Variants in ASIC2 observed in about 807,000 individuals in gnomAD.
The protein encoded by ASIC2 is acid sensing ion channel subunit 2.
ASIC2 carries 25 observed loss-of-function variants against 57.3 expected under a neutral mutation model. The observed-to-expected ratio is 0.44, with a 90% CI of 0.32 to 0.61. The LOEUF (loss-of-function observed/expected upper bound fraction) is 0.61, where lower values mean the gene tolerates loss of function less well. Ranked by LOEUF, ASIC2 falls within the 20% of genes least tolerant of loss-of-function variation. The pLI is 0.06. For synonymous variants in ASIC2, 319 were observed against 307.5 expected (o/e 1.04, Z -0.39); for missense variants, 641 against 738.1 (o/e 0.87, Z 1.52).
At chr17:33,766,675 G>A (rs1910945332) in intron 1 of ASIC2, among the ~76,000 whole-genome samples, 2 of 152,168 alleles carry the variant, frequency 1.3e-5, no homozygotes, top group Admixed American at 6.5e-5. Context: ...CACTTTGACT[G>A]AGGAGATGAT....
intron 3 of ASIC2, among the ~76,000 whole-genome samples, chr17:33,037,553 G>C (rs2091914361): frequency 6.6e-6 from 1 of 152,074 alleles, no homozygotes; most frequent in South Asian, 2.1e-4. Context: ...TTACCAATGA[G>C]TGTCTGAAAG....
chr17:34,120,029 C>G (rs1281178837), intron 1 of ASIC2: 1 of 152,234 alleles, frequency 6.6e-6, no homozygotes, highest in East Asian at 1.9e-4. Flanking sequence ...CCTGTGCACC[C>G]CTGACCTCAA....
At chr17:33,103,533 T>C (rs2092223081) in intron 2 of ASIC2, among the ~76,000 whole-genome samples, 1 of 152,192 alleles carries the variant, frequency 6.6e-6, no homozygotes, top group Admixed American at 6.5e-5. Flanking sequence ...GGCTCTTTGG[T>C]GGCTCATTCA....
At chr17:33,361,353 A>G (rs563117822) in intron 1 of ASIC2, among the ~76,000 whole-genome samples, 1 of 152,338 alleles carries the variant, frequency 6.6e-6, no homozygotes, top group African/African-American at 2.4e-5. Context: ...CAACTGAGGC[A>G]GAGTGACGAG....
At chr17:33,592,828 TAGA>T (rs555241785) in intron 1 of ASIC2, among the ~76,000 whole-genome samples, 47 of 152,176 alleles carry the variant, frequency 3.1e-4, no homozygotes, top group African/African-American at 1.1e-3. Flanking sequence ...ACTCAGGGAG[TAGA>T]AGGTCTTTGA....
chr17:34,033,695 C>A (rs1907731312), intron 1 of ASIC2, among the ~76,000 whole-genome samples: 1 of 152,118 alleles, frequency 6.6e-6, no homozygotes, highest in Non-Finnish European at 1.5e-5. Flanking sequence ...ATCACCGATC[C>A]CACAGAAATA....
In ASIC2 at chr17:34,102,325, G is replaced by T. The variant is rs7224222; in HGVS notation, c.555+53653C>A. 2.0e-5 allele frequency among the ~76,000 whole-genome samples: 3 copies of T among 151,520 alleles called. No individual in the cohort carries two copies. In the East Asian group the frequency reaches 5.8e-4, roughly 29 times the overall value. On this transcript the variant is annotated intron_variant, in intron 1 of 9. Transcript: ENST00000359872. The stretch of plus-strand genomic sequence containing the variant: ...AGCCTAGGTGACAGAGTGAGACTCC[G>T]TCTAAAAAATAAATAAATAAATAAA...
chr17:33,589,359 A>G (rs915369994), intron 1 of ASIC2, among the ~76,000 whole-genome samples: 2 of 152,238 alleles, frequency 1.3e-5, no homozygotes, highest in African/African-American at 4.8e-5. Flanking sequence ...TTACTGTGGT[A>G]AAATAAACAT....
At chr17:34,134,692 C>G (rs1326274406) in intron 1 of ASIC2, among the ~76,000 whole-genome samples, 1 of 152,190 alleles carries the variant, frequency 6.6e-6, no homozygotes, top group African/African-American at 2.4e-5. Context: ...ACCACATACT[C>G]CAGAATCTGT....
intron 1 of ASIC2, among the ~76,000 whole-genome samples, chr17:33,960,783 G>T (rs1424812092): frequency 1.3e-5 from 2 of 152,088 alleles, no homozygotes; most frequent in East Asian, 1.9e-4. Flanking sequence ...CCCCATCACT[G>T]CCAGGGCTCC....
intron 1 of ASIC2, among the ~76,000 whole-genome samples, chr17:33,662,505 C>G (rs867371280): frequency 6.6e-6 from 1 of 151,564 alleles, no homozygotes; most frequent in Non-Finnish European, 1.5e-5. Flanking sequence ...CACCTGTAAT[C>G]CCAGCTACTC....
chr17:33,435,005 G>A (rs1455940895), intron 1 of ASIC2, among the ~76,000 whole-genome samples: 1 of 152,092 alleles, frequency 6.6e-6, no homozygotes, highest in Non-Finnish European at 1.5e-5. Flanking sequence ...TTAATCATAG[G>A]ATATTCTAAT....
At chr17:33,690,747 T>G (rs952287068) in intron 1 of ASIC2, among the ~76,000 whole-genome samples, 1 of 83,492 alleles carries the variant, frequency 1.2e-5, no homozygotes, top group Admixed American at 1.3e-4. Context: ...TTCATTGTTT[T>G]TTTTTTTTTT....
At chr17:33,094,690 G>C (rs2092171263) in intron 2 of ASIC2, among the ~76,000 whole-genome samples, 1 of 152,160 alleles carries the variant, frequency 6.6e-6, no homozygotes, top group South Asian at 2.1e-4. Flanking sequence ...TGCAGGGGCA[G>C]CCCATGGTTT....
At chr17:34,145,494 A>C (rs1482006430) in intron 1 of ASIC2, among the ~76,000 whole-genome samples, 1 of 152,206 alleles carries the variant, frequency 6.6e-6, no homozygotes, top group Non-Finnish European at 1.5e-5. Context: ...ATTGCCAATA[A>C]GCAATTGTCT....
chr17:33,739,851 GAGAA>G (rs945298206), intron 1 of ASIC2, among the ~76,000 whole-genome samples: 9 of 96,936 alleles, frequency 9.3e-5, no homozygotes, highest in African/African-American at 2.0e-4. Context: ...AAAGAAAAAA[GAGAA>G]AGAAAAAAAG....
At chr17:33,836,192 A>C (rs1417063298) in intron 1 of ASIC2, among the ~76,000 whole-genome samples, 1 of 135,270 alleles carries the variant, frequency 7.4e-6, no homozygotes, top group African/African-American at 2.8e-5. Context: ...ATATTGGTTC[A>C]CTGCAACCTC....
At chr17:33,800,331 C>A (rs1912095906) in intron 1 of ASIC2, among the ~76,000 whole-genome samples, 2 of 152,096 alleles carry the variant, frequency 1.3e-5, no homozygotes, top group Admixed American at 6.5e-5. Context: ...ATCAGTCACA[C>A]CTTCAGGAGG....
chr17:33,367,595 AG>A (rs1908863879), intron 1 of ASIC2, among the ~76,000 whole-genome samples: 1 of 152,192 alleles, frequency 6.6e-6, no homozygotes, highest in African/African-American at 2.4e-5. Flanking sequence ...GCCTGCTGTC[AG>A]GGGTACTCAC....
Sources: gnomAD v4.1 joint callset for allele counts (sites outside exome capture counted in the v4.1 genomes callset) on GRCh38, gnomAD v4.1.1 for gene constraint, MANE v1.5 for transcripts, NCBI Gene and HGNC (gene_info 2026-07-23, HGNC 2026-07-21) for gene names.